Variants in IPO13 observed in about 807,000 individuals in gnomAD.
IPO13 encodes the protein importin-13.
IPO13 carries 28 observed loss-of-function variants against 115.5 expected under a neutral mutation model. The observed-to-expected ratio is 0.24, with a 90% confidence interval of 0.18 to 0.33. IPO13 has a LOEUF of 0.33. Among genes scored for constraint, IPO13 ranks in the 10% least tolerant of loss-of-function variants. The pLI, the probability that IPO13 is intolerant of heterozygous loss-of-function variation, is 1.00. For synonymous variants in IPO13, 414 were observed against 478.9 expected, an observed-to-expected ratio of 0.86 and a Z score of 1.77; for missense variants, 785 against 1,204.6, an observed-to-expected ratio of 0.65 and a Z score of 5.16.
chr1:43,953,746 CT>C (rs1425991483), intron 2 of IPO13, among the ~76,000 whole-genome samples: 1 of 152,110 alleles, frequency 6.6e-6, no homozygotes, highest in African/African-American at 2.4e-5. Flanking sequence ...GTTTTTAATG[CT>C]GGAAAAGCTT....
chr1:43,966,289 A>C lies in IPO13; in HGVS notation c.2398-286A>C. Reference sequence around the variant, plus strand: ...TCTGGCCCTGATGGAGGGGGAGGGAAAGGTGTCTGGAACCCAAACTTTCTG... The same window carrying C: ...TCTGGCCCTGATGGAGGGGGAGGGACAGGTGTCTGGAACCCAAACTTTCTG... On this transcript the variant is annotated intron_variant, in intron 15 of 19. Coordinates refer to ENST00000372343, the MANE Select transcript of IPO13 (RefSeq NM_014652.4). This position sits in a 1 kb window ranked among gnomAD's most constrained non-coding sequence, Gnocchi z 4.1. 5.7e-6 allele frequency: 3 copies of C among 522,846 alleles called. No individual in the cohort carries two copies. The highest frequency in any genetic ancestry group is 1.0e-5 in the Non-Finnish European group (3 of 287,796). 32.4% of individuals were successfully genotyped at this position (522,846 alleles called of 1,614,324 possible). A position where few individuals can be genotyped will look rare whatever the true frequency, so the allele number is the denominator to read the frequency against.
At chr1:43,963,266 G>T (rs1191916451) in intron 14 of IPO13, among the ~76,000 whole-genome samples, 2 of 152,190 alleles carry the variant, frequency 1.3e-5, no homozygotes, top group Non-Finnish European at 2.9e-5. Flanking sequence ...GGAGAAGCCT[G>T]GGTAGGAGCT....
At chr1:43,961,974 G>A (rs750082713) in intron 14 of IPO13, among the ~76,000 whole-genome samples, 3 of 152,106 alleles carry the variant, frequency 2.0e-5, no homozygotes, top group Admixed American at 6.5e-5. Flanking sequence ...TCTAATCCAG[G>A]CTTCCAGTTT....
At chr1:43,951,147 A>G (rs539385713) in intron 2 of IPO13, among the ~76,000 whole-genome samples, 10 of 152,208 alleles carry the variant, frequency 6.6e-5, no homozygotes, top group Non-Finnish European at 1.3e-4. Flanking sequence ...CAAGGGCCCT[A>G]AAGAAGTGAG....
rs201723685 is a variant in IPO13 at position 43,961,228 on chromosome 1, C to T, written c.2310C>T (p.Leu770=). The T allele has an allele frequency of 1.6e-5, 26 of 1,613,868 alleles. No individual in the cohort carries two copies. Among genetic ancestry groups the T allele is most frequent in the South Asian group, 2.2e-5 (2 of 91,072 alleles). The part of the protein sequence containing the change: ...HFPPIEALFL[L]VTSVTLTLFQ... ...CCCCAATTGAGGCCCTCTTCCTGCT[C>T]GTCACCTCCGTCACACTCACTCTCT... The change falls in exon 14 of 20, where the codon CTC becomes CTT. Residue 770 remains leucine, a synonymous_variant. Transcript: ENST00000372343.
chr1:43,957,366 C>G (rs749066021), intron 6 of IPO13, 36 bp from the exon 7 acceptor site: 2 of 1,613,856 alleles, frequency 1.2e-6, no homozygotes, highest in South Asian at 1.1e-5. Flanking sequence ...TCACACCCTC[C>G]TCCTCATCCA....
chr1:43,949,779 C>T lies in IPO13; in HGVS notation c.447C>T (p.Leu149=), dbSNP rs2085193395. The part of the protein sequence containing the change: ...WPCAVADMVR[L]FQAEDSPVDG... ...GTGCTGTGGCAGATATGGTACGACT[C>T]TTCCAGGCTGAGGACTCACCAGTGG... Residue 149 remains leucine, a synonymous_variant, in exon 2 of 20, where the codon CTC becomes CTT. Coordinates refer to ENST00000372343, the MANE Select transcript of IPO13 (RefSeq NM_014652.4). The T allele has an allele frequency of 6.2e-7, 1 of 1,614,066 alleles. No homozygotes were observed. Among genetic ancestry groups the T allele is most frequent in the African/African-American group, 1.3e-5 (1 of 74,952 alleles).
intron 11 of IPO13, 77 bp from the exon 12 acceptor site, chr1:43,960,172 T>A: frequency 7.1e-7 from 1 of 1,399,456 alleles, no homozygotes; most frequent in South Asian, 1.2e-5. Flanking sequence ...GCTCCCCTCC[T>A]CCCTGCCACC....
chr1:43,950,796 T>A (rs1014707404), intron 2 of IPO13, among the ~76,000 whole-genome samples: 1 of 152,244 alleles, frequency 6.6e-6, no homozygotes, highest in Non-Finnish European at 1.5e-5. Flanking sequence ...CTTGACACCT[T>A]GCCTCAGCTT....
At position 43,967,852 on chromosome 1, in the gene IPO13, C is replaced by T. The variant is rs1457480537; in HGVS notation, c.*170C>T. 16 of 654,666 alleles carry T rather than the reference C, an allele frequency of 2.4e-5. No homozygotes were observed. The Admixed American group carries it at 4.1e-4, about 17-fold the overall frequency. 40.6% of individuals were successfully genotyped at this position (654,666 alleles called of 1,614,324 possible). A position where few individuals can be genotyped will look rare whatever the true frequency, so the allele number is the denominator to read the frequency against. ...GATGGGAGGATGCTTGGACCCAGGCCTTGGGAGGGAATGGTGGGAACATCC... is the reference window on the plus strand; with the variant it reads ...GATGGGAGGATGCTTGGACCCAGGCTTTGGGAGGGAATGGTGGGAACATCC... On this transcript the variant is annotated 3_prime_UTR_variant, in exon 20 of 20. Transcript: ENST00000372343. The surrounding 1 kb of genome is among the most constrained non-coding windows in gnomAD (Gnocchi z 6.1).
At chr1:43,961,113 A>C in intron 13 of IPO13, 53 bp from the exon 14 acceptor site, 1 of 1,607,062 alleles carries the variant, frequency 6.2e-7, no homozygotes, top group Non-Finnish European at 8.5e-7. Context: ...GGATATTGCC[A>C]TGTCCTGGTG....
chr1:43,967,235 C>A lies in IPO13; in HGVS notation c.2614-80C>A. ...TGTGCAGTTTGGCTTAGGAACTGTC[C>A]AGAGGGCAGTTAGGCATTCTTGCTG... On this transcript the variant is annotated intron_variant, in intron 18 of 19. Coordinates refer to ENST00000372343, the MANE Select transcript of IPO13 (RefSeq NM_014652.4). This position sits in a 1 kb window ranked among gnomAD's most constrained non-coding sequence, Gnocchi z 6.1. The A allele has an allele frequency of 1.4e-6, 2 of 1,478,316 alleles. No individual in the cohort carries two copies. Among genetic ancestry groups the A allele is most frequent in the South Asian group, 1.2e-5 (1 of 82,576 alleles). The allele number at this position is 1,478,316 out of a possible 1,614,324, so 91.6% of individuals were successfully genotyped here.
At position 43,966,880 on chromosome 1, in the gene IPO13, A is replaced by T. The variant is rs775023866; in HGVS notation, c.2524-50A>T. On this transcript the variant is annotated intron_variant, in intron 17 of 19. Coordinates refer to ENST00000372343, the MANE Select transcript of IPO13 (RefSeq NM_014652.4). The surrounding 1 kb of genome is among the most constrained non-coding windows in gnomAD (Gnocchi z 4.1). ...GCTGGGGTGTACAGGTCTTGTCCTC[A>T]GGGAGAGCTGGGAAGGAGCTGGGCT... The T allele has an allele frequency of 3.7e-5, 60 of 1,609,478 alleles. No individual in the cohort carries two copies. Among genetic ancestry groups the T allele is most frequent in the Non-Finnish European group, 4.8e-5 (56 of 1,176,150 alleles).
rs201075449 is a variant in IPO13, at chr1:43,958,750, A to G, written c.1889A>G (p.Asn630Ser). The change falls in exon 11 of 20, where the codon AAT (asparagine) becomes AGT (serine). Residue 630 changes from asparagine (N) to serine (S), a missense_variant. Asn to Ser is a conservative substitution (Grantham distance 46). Around this residue, in one of 3 missense-constraint regions of IPO13, gnomAD observed 175 missense variants for 360.0 expected, o/e 0.49. Coordinates refer to ENST00000372343, the MANE Select transcript of IPO13 (RefSeq NM_014652.4). This position sits in a 1 kb window ranked among gnomAD's most constrained non-coding sequence, Gnocchi z 6.3. ...TTGGTTTGCTTCTCCCTGCAGCCCAATCCCTCCAACAAGCTGGCCATTGTT... is the reference window on the plus strand; with the variant it reads ...TTGGTTTGCTTCTCCCTGCAGCCCAGTCCCTCCAACAAGCTGGCCATTGTT... ...QLEKLAEEIP[N>S]PSNKLAIVHI... 2.1e-5 allele frequency: 34 copies of G among 1,614,070 alleles called. No homozygotes were observed. Among genetic ancestry groups the G allele is most frequent in the Admixed American group, 3.3e-5 (2 of 60,002 alleles).
intron 2 of IPO13, among the ~76,000 whole-genome samples, chr1:43,955,335 C>A (rs908094107): frequency 1.3e-5 from 2 of 152,108 alleles, no homozygotes; most frequent in Non-Finnish European, 2.9e-5. Context: ...GTTCAATCAC[C>A]CCTGACAGAC....
chr1:43,960,239 G>T lies in IPO13; in HGVS notation c.2029-10G>T. 6.2e-7 allele frequency: 1 copy of T among 1,614,084 alleles called. No individual in the cohort carries two copies. The highest frequency in any genetic ancestry group is 8.5e-7 in the Non-Finnish European group (1 of 1,179,958). On this transcript the variant is annotated splice_polypyrimidine_tract_variant and intron_variant, in intron 11 of 19. Coordinates refer to ENST00000372343, the MANE Select transcript of IPO13 (RefSeq NM_014652.4). ...TAGCAGAAGCGCCTCACTTCTTCCT[G>T]TGCCTTCAGGTGGTGGTGGTGCTGC... is the stretch of plus-strand genomic sequence containing the variant.
Position 43,956,324 on chromosome 1 carries a change from G to C in IPO13, c.826G>C (p.Val276Leu). The change falls in exon 3 of 20, where the codon GTG becomes CTG. Residue 276 changes from valine (V) to leucine (L), a missense_variant. Around this residue, in one of 3 missense-constraint regions of IPO13, gnomAD observed 325 missense variants for 449.8 expected, o/e 0.72. Transcript: ENST00000372343. This position sits in a 1 kb window ranked among gnomAD's most constrained non-coding sequence, Gnocchi z 4.7. ...TTTCTCACCTCATGCCTCTAGGTAC[G>C]TGAACACACTCCTGAAACTCATCCC... is the stretch of plus-strand genomic sequence containing the variant. ...AISQPDAQRY[V>L]NTLLKLIPLV... 5 of 1,614,156 alleles carry C rather than the reference G, an allele frequency of 3.1e-6. No individual in the cohort carries two copies. The highest frequency in any genetic ancestry group is 4.2e-6 in the Non-Finnish European group (5 of 1,180,024).
At position 43,949,904 on chromosome 1, in the gene IPO13, G is replaced by A. The variant is rs940540967; in HGVS notation, c.572G>A (p.Arg191Gln). 8.1e-6 allele frequency: 13 copies of A among 1,610,420 alleles called. No homozygotes were observed. Among genetic ancestry groups the A allele is most frequent in the African/African-American group, 4.0e-5 (3 of 74,930 alleles). ...RLPQYRKGLVRTSLAVECGAV... is the reference protein window; with the variant it reads ...RLPQYRKGLVQTSLAVECGAV... ...CCCCAGTACCGCAAAGGCCTGGTGCGGACCAGCCTGGCGGTGGAATGTGGG... is the reference window on the plus strand; with the variant it reads ...CCCCAGTACCGCAAAGGCCTGGTGCAGACCAGCCTGGCGGTGGAATGTGGG... The change falls in exon 2 of 20, where the codon CGG becomes CAG. Residue 191 changes from arginine (R) to glutamine (Q), a missense_variant. Physicochemically the swap from Arg to Gln is conservative, Grantham distance 43 (BLOSUM62 1). Coordinates refer to ENST00000372343, the MANE Select transcript of IPO13 (RefSeq NM_014652.4).
Position 43,947,527 on chromosome 1 carries a change from C to CA in IPO13, c.-73dup. 1.1e-6 allele frequency: 1 copy of CA among 892,576 alleles called. No homozygotes were observed. Among genetic ancestry groups the CA allele is most frequent in the Non-Finnish European group, 1.5e-6 (1 of 669,458 alleles). 55.3% of individuals were successfully genotyped at this position (892,576 alleles called of 1,614,324 possible). A position where few individuals can be genotyped will look rare whatever the true frequency, so the allele number is the denominator to read the frequency against. On this transcript the variant is annotated 5_prime_UTR_variant, in exon 1 of 20. Coordinates refer to ENST00000372343, the MANE Select transcript of IPO13 (RefSeq NM_014652.4). The stretch of plus-strand genomic sequence containing the variant: ...CCTGGGCACCCAAGCCGGGGTCTAG[C>CA]AGGGGGCCAGCAGCCAAGGGGCTGG...
Sources: allele counts gnomAD v4.1 joint callset (sites outside exome capture counted in the v4.1 genomes callset), GRCh38; gene constraint gnomAD v4.1.1; regional missense constraint gnomAD v4.1.1; non-coding constraint Gnocchi (gnomAD v3.1); transcripts MANE v1.5; gene names NCBI Gene and HGNC (gene_info 2026-07-23, HGNC 2026-07-21).